Variants in EPHA6 observed in about 807,000 individuals in gnomAD.
EPHA6 encodes the protein ephrin type-A receptor 6.
In EPHA6, 50 loss-of-function variants were observed where a neutral mutation model predicts 112.0. That is an observed-to-expected ratio of 0.45 (90% CI 0.36 to 0.56). EPHA6 has a LOEUF of 0.56. Among genes scored for constraint, EPHA6 ranks in the 20% least tolerant of loss-of-function variants. EPHA6 has a pLI of 0.00. For missense variants in EPHA6, 1,280 were observed against 1,417.4 expected (o/e 0.90, Z 1.56); for synonymous variants, 529 against 490.7 (o/e 1.08, Z -1.03).
At chr3:97,030,521 C>T (rs1363046524) in intron 3 of EPHA6, among the ~76,000 whole-genome samples, 1 of 152,038 alleles carries the variant, frequency 6.6e-6, no homozygotes, top group African/African-American at 2.4e-5. Flanking sequence ...TTTTCTCCTC[C>T]TTTTCCTTAG....
chr3:97,140,514 C>T (rs1007466120), intron 3 of EPHA6, among the ~76,000 whole-genome samples: 1 of 152,088 alleles, frequency 6.6e-6, no homozygotes, highest in Non-Finnish European at 1.5e-5. Flanking sequence ...AGCCAGAGAT[C>T]GAGGCCTATG....
intron 5 of EPHA6, among the ~76,000 whole-genome samples, chr3:97,363,678 A>G (rs2084535975): frequency 6.6e-6 from 1 of 152,080 alleles, no homozygotes; most frequent in Non-Finnish European, 1.5e-5. Context: ...AATTGAAAGC[A>G]GGGACTTGAA....
At chr3:96,848,556 T>C (rs2035210227) in intron 1 of EPHA6, among the ~76,000 whole-genome samples, 2 of 152,004 alleles carry the variant, frequency 1.3e-5, no homozygotes, top group Admixed American at 1.3e-4. Flanking sequence ...ACCCAGGAGA[T>C]GGAGGTTATA....
At chr3:97,487,021 A>G (rs1221143963) in intron 10 of EPHA6, among the ~76,000 whole-genome samples, 1 of 152,138 alleles carries the variant, frequency 6.6e-6, no homozygotes, top group Non-Finnish European at 1.5e-5. Context: ...GGAAATGTAA[A>G]TTAAGTGACT....
At chr3:97,193,444 G>A (rs984535386) in intron 3 of EPHA6, among the ~76,000 whole-genome samples, 10 of 151,878 alleles carry the variant, frequency 6.6e-5, no homozygotes, top group Admixed American at 3.9e-4. Context: ...CAGATTGTTT[G>A]CTACTGACAT....
rs75456861 is a variant in EPHA6, at chr3:97,493,885, A to C, written c.2200+9826A>C. 7.9e-3 allele frequency among the ~76,000 whole-genome samples: 1,210 copies of C among 152,292 alleles called. 19 individuals carry two copies. Among genetic ancestry groups the C allele is most frequent in the African/African-American group, 0.028 (1,157 of 41,556 alleles). On this transcript the variant is annotated intron_variant, in intron 10 of 17. Coordinates refer to ENST00000389672, the MANE Select transcript of EPHA6 (RefSeq NM_001080448.3). ...GAGAGTGGTGGAGGCACAGGGAAAC[A>C]GAGAGAGGAGCAATAGGTCTCCCAG...
At chr3:97,025,973 G>A (rs2044623547) in intron 3 of EPHA6, among the ~76,000 whole-genome samples, 1 of 152,088 alleles carries the variant, frequency 6.6e-6, no homozygotes. Context: ...CCTATGGCTA[G>A]CCAGTTCTCC....
At chr3:97,565,588 C>G (rs2093252963) in intron 11 of EPHA6, among the ~76,000 whole-genome samples, 1 of 152,028 alleles carries the variant, frequency 6.6e-6, no homozygotes, top group African/African-American at 2.4e-5. Flanking sequence ...AAGTTCTTGC[C>G]ACTGAAAGAC....
At chr3:97,103,838 G>A (rs2047482248) in intron 3 of EPHA6, among the ~76,000 whole-genome samples, 1 of 151,936 alleles carries the variant, frequency 6.6e-6, no homozygotes, top group African/African-American at 2.4e-5. Flanking sequence ...GTGTTTTGTA[G>A]TTCTCCTTGT....
intron 7 of EPHA6, among the ~76,000 whole-genome samples, chr3:97,470,051 A>T (rs1005376480): frequency 6.6e-6 from 1 of 151,704 alleles, no homozygotes; most frequent in African/African-American, 2.4e-5. Flanking sequence ...GTTTATGTTC[A>T]TCTAGAAGAT....
At chr3:97,490,489 T>A (rs898122887) in intron 10 of EPHA6, among the ~76,000 whole-genome samples, 1 of 152,216 alleles carries the variant, frequency 6.6e-6, no homozygotes, top group Non-Finnish European at 1.5e-5. Context: ...GAAGTTATTT[T>A]TCAAATTTGT....
chr3:96,891,420 ACTGGAAG>A (rs1279520489), intron 2 of EPHA6, among the ~76,000 whole-genome samples: 1 of 152,186 alleles, frequency 6.6e-6, no homozygotes, highest in Non-Finnish European at 1.5e-5. Flanking sequence ...GATAAAGGTG[ACTGGAAG>A]GGGCCAGAAA....
At chr3:97,200,615 GT>G (rs1197931834) in intron 3 of EPHA6, among the ~76,000 whole-genome samples, 2 of 152,020 alleles carry the variant, frequency 1.3e-5, no homozygotes, top group Non-Finnish European at 2.9e-5. Flanking sequence ...TAGTTACACC[GT>G]GATTGACAGC....
At chr3:97,437,595 C>T (rs1226097891) in intron 6 of EPHA6, among the ~76,000 whole-genome samples, 1 of 152,056 alleles carries the variant, frequency 6.6e-6, no homozygotes, top group Non-Finnish European at 1.5e-5. Context: ...TTGACCTAAA[C>T]TACTGACATC....
chr3:97,274,632 G>T (rs1182387651), intron 5 of EPHA6, among the ~76,000 whole-genome samples: 4 of 152,148 alleles, frequency 2.6e-5, no homozygotes, highest in African/African-American at 7.2e-5. Flanking sequence ...GTGGAGGGGG[G>T]CAGAGTGGTA....
At position 97,650,805 on chromosome 3, in the gene EPHA6, TGA is replaced by T. The variant is rs201668700; in HGVS notation, c.2784+12726_2784+12727del. On this transcript the variant is annotated intron_variant, in intron 14 of 17. Coordinates refer to ENST00000389672, the MANE Select transcript of EPHA6 (RefSeq NM_001080448.3). ...CTGGGAGGCAGAGGTTGCAGTGAGCTGAGATTGCGCCACTGCATTCCAGCCTG... is the reference window on the plus strand; with the variant it reads ...CTGGGAGGCAGAGGTTGCAGTGAGCTGATTGCGCCACTGCATTCCAGCCTG... Among the ~76,000 whole-genome samples, 1,074 of 139,870 alleles carry T rather than the reference TGA, an allele frequency of 7.7e-3. 14 individuals are homozygous for T. The highest frequency in any genetic ancestry group is 0.027 in the African/African-American group (992 of 36,984). 91.8% of individuals were successfully genotyped at this position (139,870 alleles called of 152,430 possible).
At chr3:97,611,057 T>C (rs2093716003) in intron 13 of EPHA6, among the ~76,000 whole-genome samples, 1 of 151,690 alleles carries the variant, frequency 6.6e-6, no homozygotes, top group African/African-American at 2.4e-5. Flanking sequence ...AATAACGTAA[T>C]TGATTTCTCC....
chr3:97,640,529 G>C (rs1452755753), intron 14 of EPHA6, among the ~76,000 whole-genome samples: 1 of 152,090 alleles, frequency 6.6e-6, no homozygotes, highest in East Asian at 1.9e-4. Context: ...CCAGCACTTT[G>C]GGAAGCCGAG....
chr3:97,568,150 TAA>T (rs1233571155), intron 11 of EPHA6, among the ~76,000 whole-genome samples: 1 of 152,174 alleles, frequency 6.6e-6, no homozygotes, highest in African/African-American at 2.4e-5. Flanking sequence ...CCCTGGAGGA[TAA>T]GTCTCTTAAT....
Sources: allele counts gnomAD v4.1 joint callset (sites outside exome capture counted in the v4.1 genomes callset), GRCh38; gene constraint gnomAD v4.1.1; transcripts MANE v1.5; gene names NCBI Gene and HGNC (gene_info 2026-07-23, HGNC 2026-07-21).